The following AAK1 variants were observed in gnomAD, a reference collection of about 807,000 sequenced individuals.
AAK1 encodes AP2 associated kinase 1, also known as AP2-associated protein kinase 1.
Under a neutral mutation model 116.0 loss-of-function variants are expected in AAK1, and 37 were observed. The observed-to-expected ratio is 0.32, with a 90% CI of 0.25 to 0.42. The LOEUF is 0.42. Among genes scored for constraint, AAK1 ranks in the 10% least tolerant of loss-of-function variants. The probability of loss-of-function intolerance (pLI) is 1.00; values close to 1 mark genes in which losing one functional copy is unlikely to be tolerated. For synonymous variants in AAK1, 458 were observed against 439.9 expected, an observed-to-expected ratio of 1.04 and a Z score of -0.51; for missense variants, 919 against 1,170.6, an observed-to-expected ratio of 0.79 and a Z score of 3.14.
intron 2 of AAK1, among the ~76,000 whole-genome samples, chr2:69,611,996 G>A (rs1674105795): frequency 6.6e-6 from 1 of 152,192 alleles, no homozygotes; most frequent in Non-Finnish European, 1.5e-5. Context: ...GGGCTTGGGG[G>A]AGAAAGGGAA....
chr2:69,553,428 T>A lies in AAK1; in HGVS notation c.282+3432A>T, dbSNP rs552292081. Among the ~76,000 whole-genome samples the A allele has an allele frequency of 1.6e-4, 23 of 144,618 alleles. No homozygotes were observed. The South Asian group carries it at 5.0e-3, about 31-fold the overall frequency. The allele number at this position is 144,618 out of a possible 152,430, so 94.9% of individuals were successfully genotyped here. ...ACATAAAATAAAGATACTTCTAGAATTGAAAGTTGTTTTTTTTTTTTTTTT... is the reference window on the plus strand; with the variant it reads ...ACATAAAATAAAGATACTTCTAGAAATGAAAGTTGTTTTTTTTTTTTTTTT... On this transcript the variant is annotated intron_variant, in intron 3 of 21. Transcript: ENST00000409085.
chr2:69,620,971 A>G (rs1674593027), intron 2 of AAK1, among the ~76,000 whole-genome samples: 1 of 152,274 alleles, frequency 6.6e-6, no homozygotes, highest in South Asian at 2.1e-4. Context: ...TTAATGAAAT[A>G]AAATTTTTAA....
At chr2:69,481,020 T>C (rs1286061484) in intron 18 of AAK1, 59 bp from the exon 19 acceptor site, 2 of 1,349,460 alleles carry the variant, frequency 1.5e-6, no homozygotes, top group Non-Finnish European at 2.0e-6. Context: ...CAGAAGTTTC[T>C]TTAGGAAATT....
chr2:69,599,379 TAAA>T (rs34685588), intron 2 of AAK1, among the ~76,000 whole-genome samples: 1 of 103,562 alleles, frequency 9.7e-6, no homozygotes, highest in African/African-American at 3.1e-5. Flanking sequence ...TAGTTCTGTG[TAAA>T]AAAAAAAAAA....
At position 69,491,191 on chromosome 2, in the gene AAK1, C is replaced by T. The variant is rs150942312; in HGVS notation, c.2365+4794G>A. ...AACTCCCAGGCTCAAGTGATCCTTT[C>T]GCCTTGGCCCCGCAAAGTGCTGAGA... is the stretch of plus-strand genomic sequence containing the variant. On this transcript the variant is annotated intron_variant, in intron 17 of 21. Coordinates refer to ENST00000409085, the MANE Select transcript of AAK1 (RefSeq NM_014911.5). Among the ~76,000 whole-genome samples the T allele has an allele frequency of 3.7e-3, 561 of 152,148 alleles. 3 individuals carry two copies. Among genetic ancestry groups the T allele is most frequent in the African/African-American group, 0.013 (521 of 41,508 alleles).
chr2:69,576,971 C>A (rs1052061285), intron 2 of AAK1, among the ~76,000 whole-genome samples: 2 of 152,246 alleles, frequency 1.3e-5, no homozygotes, highest in Admixed American at 6.5e-5. Flanking sequence ...CAGACCTTCA[C>A]ATCTTCCAGC....
At chr2:69,524,951 A>T in intron 10 of AAK1, 82 bp downstream of exon 10, 1 of 1,351,254 alleles carries the variant, frequency 7.4e-7, no homozygotes, top group Non-Finnish European at 1.1e-6. Context: ...GACAGCATAC[A>T]TAAGAATCAA....
intron 21 of AAK1, 41 bp downstream of exon 21, chr2:69,476,839 C>T: frequency 6.8e-7 from 1 of 1,465,052 alleles, no homozygotes; most frequent in Non-Finnish European, 9.5e-7. Context: ...TTGAAGAGAA[C>T]TGAGGCCAAG....
chr2:69,507,340 C>T lies in AAK1; in HGVS notation c.2164+81G>A, dbSNP rs551352965. On this transcript the variant is annotated intron_variant, in intron 15 of 21. Coordinates refer to ENST00000409085, the MANE Select transcript of AAK1 (RefSeq NM_014911.5). ...CCACATGCATACCCTTCTAGAGTTA[C>T]GATTCTTTCTCATTCCTGGTTATTT... 2,016 of 1,505,012 alleles carry T rather than the reference C, an allele frequency of 1.3e-3. 50 individuals are homozygous for T. The South Asian group carries it at 0.024, about 18-fold the overall frequency. 93.2% of individuals were successfully genotyped at this position (1,505,012 alleles called of 1,614,324 possible).
intron 2 of AAK1, among the ~76,000 whole-genome samples, chr2:69,577,438 A>G (rs1279563368): frequency 6.6e-6 from 1 of 151,798 alleles, no homozygotes; most frequent in African/African-American, 2.4e-5. Context: ...GAGGAACTAG[A>G]CTACTCTGTA....
At chr2:69,502,401 C>G (rs1402376396) in intron 16 of AAK1, among the ~76,000 whole-genome samples, 2 of 151,920 alleles carry the variant, frequency 1.3e-5, no homozygotes, top group African/African-American at 2.4e-5. Context: ...GCGGGAGGAT[C>G]ACCTGAGGTC....
At chr2:69,496,242 C>T (rs559031469) in intron 16 of AAK1, among the ~76,000 whole-genome samples, 162 bp from the exon 17 acceptor site, 2 of 149,446 alleles carry the variant, frequency 1.3e-5, no homozygotes, top group Non-Finnish European at 1.5e-5. Flanking sequence ...CAGTGAACAG[C>T]AAAGTATCTA....
intron 2 of AAK1, among the ~76,000 whole-genome samples, chr2:69,573,216 A>G (rs1423326360): frequency 1.3e-5 from 2 of 152,184 alleles, no homozygotes; most frequent in Non-Finnish European, 2.9e-5. Context: ...GGTTGAAGAG[A>G]GAGGCCACGA....
intron 13 of AAK1, among the ~76,000 whole-genome samples, chr2:69,513,242 C>T (rs1453596349): frequency 1.3e-5 from 2 of 152,158 alleles, no homozygotes; most frequent in African/African-American, 4.8e-5. Context: ...TACGGCACTG[C>T]TTCCTTTCGA....
At chr2:69,601,215 GGTGTTTT>G (rs1673564162) in intron 2 of AAK1, among the ~76,000 whole-genome samples, 1 of 152,086 alleles carries the variant, frequency 6.6e-6, no homozygotes, top group Non-Finnish European at 1.5e-5. Flanking sequence ...TATACCACTG[GGTGTTTT>G]TAATATTTCT....
At chr2:69,559,615 G>C (rs1490990592) in intron 2 of AAK1, among the ~76,000 whole-genome samples, 1 of 152,188 alleles carries the variant, frequency 6.6e-6, no homozygotes, top group Non-Finnish European at 1.5e-5. Flanking sequence ...GGCACTCCTA[G>C]AGAGTATTAA....
chr2:69,500,698 T>TATATATATATATATATACAC, intron 16 of AAK1, among the ~76,000 whole-genome samples: 5 of 65,098 alleles, frequency 7.7e-5, no homozygotes, highest in Non-Finnish European at 1.0e-4. Flanking sequence ...TATATATATA[T>TATATATATATATATATACAC]ACACACACAC....
chr2:69,552,322 G>T (rs375929791), intron 3 of AAK1, among the ~76,000 whole-genome samples: 1 of 152,264 alleles, frequency 6.6e-6, no homozygotes, highest in South Asian at 2.1e-4. Context: ...TTTTAACCAA[G>T]ATATTAAATG....
In AAK1 at chr2:69,467,466, C is replaced by T; in HGVS notation, c.*8403G>A. The T allele has an allele frequency of 1.0e-6, 1 of 985,254 alleles. No individual in the cohort carries two copies. Among genetic ancestry groups the T allele is most frequent in the Non-Finnish European group, 1.2e-6 (1 of 829,912 alleles). 61.0% of individuals were successfully genotyped at this position (985,254 alleles called of 1,614,324 possible). ...AAGTATGTCATTGGGCACATGTTAG[C>T]AAGAGGGCAGGAAAAAGGCATATGT... On this transcript the variant is annotated 3_prime_UTR_variant, in exon 22 of 22. Transcript: ENST00000409085.
Sources: allele counts gnomAD v4.1 joint callset (sites outside exome capture counted in the v4.1 genomes callset), GRCh38; gene constraint gnomAD v4.1.1; transcripts MANE v1.5; gene names NCBI Gene and HGNC (gene_info 2026-07-23, HGNC 2026-07-21).